The following MRAP variants were observed in gnomAD, a reference collection of about 807,000 sequenced individuals.
The protein encoded by MRAP is melanocortin-2 receptor accessory protein.
A neutral mutation model predicts 8.7 loss-of-function variants in MRAP; 8 were observed. The observed-to-expected ratio is 0.92, with a 90% CI of 0.54 to 1.66. The LOEUF (loss-of-function observed/expected upper bound fraction) is 1.66. Among genes scored for constraint, MRAP ranks in the 40% most tolerant of loss-of-function variants. The pLI, the probability that MRAP is intolerant of heterozygous loss-of-function variation, is 0.00. For missense variants in MRAP, 237 were observed against 217.1 expected (o/e 1.09, Z -0.58); for synonymous variants, 95 against 95.5 (o/e 1.00, Z 0.03).
chr21:32,292,184 A>C (rs1309816295), intron 1 of MRAP, among the ~76,000 whole-genome samples: 1 of 152,156 alleles, frequency 6.6e-6, no homozygotes, highest in South Asian at 2.1e-4. Context: ...TACATAGAGA[A>C]ATATTTGCAG....
At chr21:32,311,581 G>T in intron 2 of MRAP, 103 bp from the exon 3 acceptor site, 6 of 1,511,096 alleles carry the variant, frequency 4.0e-6, no homozygotes, top group Non-Finnish European at 5.3e-6. Flanking sequence ...TTCCCTATGG[G>T]GTCCGGGCAG....
At chr21:32,292,724 A>C (rs1221843035) in intron 1 of MRAP, among the ~76,000 whole-genome samples, 2 of 151,854 alleles carry the variant, frequency 1.3e-5, no homozygotes, top group African/African-American at 4.8e-5. Flanking sequence ...CCCAAATTGC[A>C]GGTAATTCAC....
At chr21:32,295,956 A>G (rs921693612), upstream of MRAP, among the ~76,000 whole-genome samples, 1 of 152,200 alleles carries the variant, frequency 6.6e-6, no homozygotes, top group Non-Finnish European at 1.5e-5. Flanking sequence ...AGCCTGGACA[A>G]CAGAGCAAGA....
intron 1 of MRAP, among the ~76,000 whole-genome samples, chr21:32,300,586 C>T (rs541449210): frequency 7.6e-5 from 11 of 143,902 alleles, no homozygotes; most frequent in Admixed American, 5.0e-4. Context: ...ATGTCAGGGG[C>T]GTCACACGTC....
Position 32,306,365 on chromosome 21 carries a change from G to A in MRAP, c.107-275G>A, listed in dbSNP as rs1276442553. 8.8e-6 allele frequency: 4 copies of A among 455,726 alleles called. No homozygotes were observed. In the East Asian group the frequency reaches 1.9e-4, roughly 22 times the overall value. The allele number at this position is 455,726 out of a possible 1,614,324, so 28.2% of individuals were successfully genotyped here. ...CGGGCAAGCAGATGCATGGGGTGGG[G>A]GGGCACACAATTCCATTCAGTGTTT... On this transcript the variant is annotated intron_variant, in intron 1 of 2. Coordinates refer to ENST00000303645, the MANE Select transcript of MRAP (RefSeq NM_001379228.1).
upstream of MRAP, among the ~76,000 whole-genome samples, chr21:32,296,868 A>C (rs1298153824): frequency 1.3e-5 from 2 of 152,200 alleles, no homozygotes; most frequent in African/African-American, 2.4e-5. Flanking sequence ...GTGGTGAGTG[A>C]ATGCGAAGGC....
intron 2 of MRAP, among the ~76,000 whole-genome samples, chr21:32,309,740 C>T (rs1352423430): frequency 6.7e-6 from 1 of 149,656 alleles, no homozygotes; most frequent in Non-Finnish European, 1.5e-5. Flanking sequence ...GTCAGGAGTT[C>T]GAGACTGGCC....
upstream of MRAP, among the ~76,000 whole-genome samples, chr21:32,294,246 C>G (rs2032100450): frequency 6.6e-6 from 1 of 152,170 alleles, no homozygotes; most frequent in African/African-American, 2.4e-5. Flanking sequence ...TCCCGAGTAG[C>G]TGGGACTACA....
chr21:32,314,328 G>C (rs561949215), downstream of MRAP: 7 of 448,486 alleles, frequency 1.6e-5, no homozygotes, highest in East Asian at 2.4e-4. Context: ...GGAATTACAG[G>C]TGTGCGCTAC....
chr21:32,314,334 G>A (rs757189116), downstream of MRAP: 35 of 458,888 alleles, frequency 7.6e-5, 1 homozygote, highest in Middle Eastern at 6.6e-4. Context: ...ACAGGTGTGC[G>A]CTACCATGCC....
intron 1 of MRAP, among the ~76,000 whole-genome samples, chr21:32,303,941 A>G (rs2032344202): frequency 6.6e-6 from 1 of 152,202 alleles, no homozygotes; most frequent in South Asian, 2.1e-4. Flanking sequence ...ACTTATATGA[A>G]GACACTGCGT....
At chr21:32,306,188 T>A (rs2032411186) in intron 1 of MRAP, among the ~76,000 whole-genome samples, 1 of 152,120 alleles carries the variant, frequency 6.6e-6, no homozygotes. Flanking sequence ...TATCAACTCC[T>A]GGGGTCTCTG....
chr21:32,309,184 A>C (rs2032491945), intron 2 of MRAP, among the ~76,000 whole-genome samples: 1 of 151,882 alleles, frequency 6.6e-6, no homozygotes, highest in Non-Finnish European at 1.5e-5. Flanking sequence ...AAAAGATCTA[A>C]TTCAGTCTAG....
At chr21:32,295,820 A>G (rs143947400), upstream of MRAP, among the ~76,000 whole-genome samples, 11,392 of 152,130 alleles carry the variant, frequency 0.075, 483 homozygotes, top group Middle Eastern at 0.17. Context: ...TACCAAAAAT[A>G]CAAAAGTTAG....
upstream of MRAP, among the ~76,000 whole-genome samples, chr21:32,294,190 C>G (rs994797635): frequency 6.6e-6 from 1 of 152,216 alleles, no homozygotes; most frequent in Non-Finnish European, 1.5e-5. Flanking sequence ...TCTCGGCTCA[C>G]TGCAAGCTCC....
chr21:32,308,104 G>A (rs370911831), intron 2 of MRAP, among the ~76,000 whole-genome samples: 9 of 152,110 alleles, frequency 5.9e-5, no homozygotes, highest in African/African-American at 2.2e-4. Context: ...CAGGTGTGGG[G>A]GCTCACACCT....
At chr21:32,300,832 G>C in intron 1 of MRAP, among the ~76,000 whole-genome samples, 1 of 139,156 alleles carries the variant, frequency 7.2e-6, no homozygotes, top group East Asian at 2.2e-4. Flanking sequence ...GTCCTATGTC[G>C]GATATGTCAT....
At chr21:32,301,045 TATG>T (rs1449832305) in intron 1 of MRAP, among the ~76,000 whole-genome samples, 18 of 151,172 alleles carry the variant, frequency 1.2e-4, no homozygotes, top group South Asian at 4.2e-4. Context: ...AAATATATCA[TATG>T]ATATATATCA....
intron 2 of MRAP, among the ~76,000 whole-genome samples, chr21:32,307,827 T>C (rs1347666898): frequency 6.6e-6 from 1 of 152,146 alleles, no homozygotes; most frequent in Non-Finnish European, 1.5e-5. Context: ...TGAGCTGTGA[T>C]TGCGCCACTG....
Sources: gnomAD v4.1 joint callset for allele counts (sites outside exome capture counted in the v4.1 genomes callset) on GRCh38, gnomAD v4.1.1 for gene constraint, MANE v1.5 for transcripts, NCBI Gene and HGNC (gene_info 2026-07-23, HGNC 2026-07-21) for gene names.